Variants in SRGAP1 observed in about 807,000 individuals in gnomAD.
The protein encoded by SRGAP1 is SLIT-ROBO Rho GTPase activating protein 1, also known as SLIT-ROBO Rho GTPase-activating protein 1.
SRGAP1 carries 43 observed loss-of-function variants against 121.9 expected under a neutral mutation model. The observed-to-expected ratio is 0.35, with a 90% CI of 0.28 to 0.46. The LOEUF (loss-of-function observed/expected upper bound fraction) is 0.46, where lower values mean the gene tolerates loss of function less well. SRGAP1 is among the 20% of genes least tolerant of loss of function. SRGAP1 has a pLI of 1.00. For missense variants in SRGAP1, 1,102 were observed against 1,350.9 expected (o/e 0.82, Z 2.89); for synonymous variants, 447 against 485.4 (o/e 0.92, Z 1.04).
chr12:64,081,431 G>C (rs1336001216), intron 10 of SRGAP1: 1 of 150,996 alleles, frequency 6.6e-6, no homozygotes, highest in Non-Finnish European at 1.5e-5. Flanking sequence ...TAAGAACCAT[G>C]TCTGACACAG....
chr12:64,069,473 G>A (rs2035602074), intron 8 of SRGAP1, among the ~76,000 whole-genome samples: 1 of 152,058 alleles, frequency 6.6e-6, no homozygotes, highest in African/African-American at 2.4e-5. Context: ...TTGCACCCTT[G>A]GTACCTCAGT....
In SRGAP1 at chr12:64,039,628, C is replaced by CGTGTGTGT. The variant is rs6144742; in HGVS notation, c.490-3137_490-3130dup. Among the ~76,000 whole-genome samples, 891 of 130,876 alleles carry CGTGTGTGT rather than the reference C, an allele frequency of 6.8e-3. 34 individuals carry two copies. The highest frequency in any genetic ancestry group is 0.065 in the East Asian group (300 of 4,622). 85.9% of individuals were successfully genotyped at this position (130,876 alleles called of 152,430 possible). On this transcript the variant is annotated intron_variant, in intron 4 of 21. Transcript: ENST00000355086. Reference sequence around the variant, plus strand: ...AGCAAGAATACAGACAGCTGAGCAACGTGTGTGTGTGTGTGTGTGTGTGTG... The same window carrying CGTGTGTGT: ...AGCAAGAATACAGACAGCTGAGCAACGTGTGTGTGTGTGTGTGTGTGTGTGTGTGTGTG...
chr12:64,097,423 G>C, intron 15 of SRGAP1, 48 bp downstream of exon 15: 1 of 1,597,918 alleles, frequency 6.3e-7, no homozygotes, highest in Non-Finnish European at 8.5e-7. Context: ...TATTTCACTA[G>C]CTAACTTCCT....
At chr12:63,982,501 C>T (rs1483608905) in intron 1 of SRGAP1, 2 of 152,230 alleles carry the variant, frequency 1.3e-5, no homozygotes, top group Non-Finnish European at 2.9e-5. Context: ...AACCTGACCA[C>T]CTTATTCATG....
At chr12:63,846,604 C>A (rs1016927382) in intron 1 of SRGAP1, among the ~76,000 whole-genome samples, 1 of 152,188 alleles carries the variant, frequency 6.6e-6, no homozygotes, top group Non-Finnish European at 1.5e-5. Context: ...TGGTGAAAAT[C>A]ACATTTGGAG....
At chr12:64,051,421 C>G (rs1333501187) in intron 6 of SRGAP1, among the ~76,000 whole-genome samples, 1 of 152,148 alleles carries the variant, frequency 6.6e-6, no homozygotes, top group African/African-American at 2.4e-5. Context: ...TGGAACTCAG[C>G]AACATCTGAG....
At chr12:64,108,863 T>G (rs2036386681) in intron 15 of SRGAP1, 69 bp from the exon 16 acceptor site, 10 of 1,057,996 alleles carry the variant, frequency 9.5e-6, no homozygotes, top group African/African-American at 1.6e-5. Context: ...CGGTAATACA[T>G]GTACTGCAGT....
intron 1 of SRGAP1, among the ~76,000 whole-genome samples, chr12:63,908,046 G>C (rs2030304454): frequency 6.6e-6 from 1 of 152,052 alleles, no homozygotes; most frequent in Non-Finnish European, 1.5e-5. Flanking sequence ...TTTTAATTCT[G>C]TTCCATTGAT....
intron 6 of SRGAP1, among the ~76,000 whole-genome samples, chr12:64,056,693 C>G (rs2035350230): frequency 6.6e-6 from 1 of 152,148 alleles, no homozygotes; most frequent in African/African-American, 2.4e-5. Context: ...CTGATGCCTA[C>G]CTGCATTTAG....
chr12:63,908,454 A>T (rs564896520), intron 1 of SRGAP1, among the ~76,000 whole-genome samples: 1 of 152,232 alleles, frequency 6.6e-6, no homozygotes, highest in East Asian at 1.9e-4. Context: ...TCGCTCTGAG[A>T]TCTTGGCTCA....
intron 12 of SRGAP1, among the ~76,000 whole-genome samples, chr12:64,092,764 T>C (rs1218010840): frequency 6.6e-6 from 1 of 152,168 alleles, no homozygotes; most frequent in Non-Finnish European, 1.5e-5. Context: ...GATATGCAGC[T>C]GATGGCCTGG....
chr12:63,999,503 G>C (rs187705546), intron 3 of SRGAP1, among the ~76,000 whole-genome samples: 1 of 152,198 alleles, frequency 6.6e-6, no homozygotes, highest in South Asian at 2.1e-4. Context: ...AGGTGGATTC[G>C]AGTGGTGTGT....
intron 1 of SRGAP1, among the ~76,000 whole-genome samples, chr12:63,862,407 A>G (rs927207420): frequency 1.3e-5 from 2 of 152,158 alleles, no homozygotes; most frequent in African/African-American, 4.8e-5. Flanking sequence ...TTAAAGCATT[A>G]GATGTCACAG....
chr12:63,880,362 G>A (rs1900156009), intron 1 of SRGAP1, among the ~76,000 whole-genome samples: 1 of 152,094 alleles, frequency 6.6e-6, no homozygotes, highest in African/African-American at 2.4e-5. Context: ...CTCCCCAGCA[G>A]CTGGGATTAC....
intron 1 of SRGAP1, among the ~76,000 whole-genome samples, chr12:63,949,618 G>A (rs1000580558): frequency 7.3e-5 from 11 of 151,598 alleles, no homozygotes; most frequent in African/African-American, 2.4e-4. Flanking sequence ...TGGTAGAGAC[G>A]GTGTTTCACC....
intron 1 of SRGAP1, among the ~76,000 whole-genome samples, chr12:63,898,146 G>A (rs1900815395): frequency 6.6e-6 from 1 of 152,200 alleles, no homozygotes; most frequent in African/African-American, 2.4e-5. Flanking sequence ...GTCTTTCAAA[G>A]CACACAAAAT....
chr12:64,098,682 A>T (rs925444280), intron 15 of SRGAP1, among the ~76,000 whole-genome samples: 2 of 151,414 alleles, frequency 1.3e-5, no homozygotes, highest in Admixed American at 6.6e-5. Flanking sequence ...AAAAAAATAA[A>T]AAAATAAAAA....
In SRGAP1 at chr12:64,022,930, G is replaced by T. The variant is rs562117642; in HGVS notation, c.489+5918G>T. 1.1e-4 allele frequency among the ~76,000 whole-genome samples: 17 copies of T among 152,194 alleles called. 1 individual carries two copies. The South Asian group carries it at 3.3e-3, about 30-fold the overall frequency. On this transcript the variant is annotated intron_variant, in intron 4 of 21. Transcript: ENST00000355086. ...CATAAATAAATGTATAATATGGGAG[G>T]TGTAAGAGGTAAGAGGAAAAGTACA... is the stretch of plus-strand genomic sequence containing the variant.
At chr12:63,924,349 C>T (rs2031179008) in intron 1 of SRGAP1, among the ~76,000 whole-genome samples, 1 of 152,136 alleles carries the variant, frequency 6.6e-6, no homozygotes, top group African/African-American at 2.4e-5. Context: ...TATAAAGTAC[C>T]TCTCATCCCA....
Sources: gnomAD v4.1 joint callset for allele counts (sites outside exome capture counted in the v4.1 genomes callset) on GRCh38, gnomAD v4.1.1 for gene constraint, MANE v1.5 for transcripts, NCBI Gene and HGNC (gene_info 2026-07-23, HGNC 2026-07-21) for gene names.